The following GMCL2 variants were observed in gnomAD, a reference collection of about 807,000 sequenced individuals.
The protein encoded by GMCL2 is germ cell-less protein-like 2.
GMCL2 carries 33 observed loss-of-function variants against 36.2 expected under a neutral mutation model. The observed-to-expected ratio is 0.91, with a 90% confidence interval of 0.69 to 1.22. GMCL2 has a LOEUF of 1.22. Among genes scored for constraint, GMCL2 ranks in the 50% most tolerant of loss-of-function variants. The pLI, the probability that GMCL2 is intolerant of heterozygous loss-of-function variation, is 0.00. For synonymous variants in GMCL2, 172 were observed against 184.3 expected (o/e 0.93, Z 0.54); for missense variants, 478 against 514.5 (o/e 0.93, Z 0.69).
rs1369335232 is a variant in GMCL2, at chr5:178,186,505, G to A, written c.795C>T (p.Asn265=). ...CCATCTCCACTTGCATCACAAATAA[G>A]TTAGAGGAACCAATGAGCTGTTTCA... The part of the protein sequence containing the change: ...NVMKQLIGSS[N]LFVMQVEMDV... The change falls in exon 1 of 1, where the codon AAC becomes AAT. Residue 265 remains asparagine (N), a synonymous_variant. Transcript: ENST00000463439. 2.9e-6 allele frequency: 4 copies of A among 1,385,168 alleles called. No homozygotes were observed. The highest frequency in any genetic ancestry group is 4.1e-6 in the Non-Finnish European group (4 of 971,250). The allele number at this position is 1,385,168 out of a possible 1,614,324, so 85.8% of individuals were successfully genotyped here.
At position 178,185,644 on chromosome 5, in the gene GMCL2, A is replaced by C. The variant is rs1271315604; in HGVS notation, c.*75T>G. 1 of 571,928 alleles carries C rather than the reference A, an allele frequency of 1.7e-6. No homozygotes were observed. Among genetic ancestry groups the C allele is most frequent in the Non-Finnish European group, 3.2e-6 (1 of 311,376 alleles). The allele number at this position is 571,928 out of a possible 1,614,324, so 35.4% of individuals were successfully genotyped here. ...GTCATTGTTAGTCAACTTAGATGTG[A>C]ATATCAGTAGGGCCATTAAATTAAA... is the stretch of plus-strand genomic sequence containing the variant. On this transcript the variant is annotated 3_prime_UTR_variant, in exon 1 of 1. Transcript: ENST00000463439.
Position 178,185,879 on chromosome 5 carries a change from C to T in GMCL2, c.1421G>A (p.Gly474Asp), listed in dbSNP as rs759717911. ...SGKLVCSRTTGYQILILKKDQ... is the reference protein window; with the variant it reads ...SGKLVCSRTTDYQILILKKDQ... ...CTTTTTAAGTATAAGTATTTGATAG[C>T]CAGTTGTTCTACTACATACTAGTTT... The change falls in exon 1 of 1, where the codon GGC becomes GAC. Residue 474 changes from glycine (G) to aspartate (D), a missense_variant. Coordinates refer to ENST00000463439, the MANE Select transcript of GMCL2 (RefSeq NM_001358008.2). The T allele has an allele frequency of 1.2e-6, 1 of 817,096 alleles. No homozygotes were observed. The highest frequency in any genetic ancestry group is 1.3e-5 in the South Asian group (1 of 75,530). The allele number at this position is 817,096 out of a possible 1,614,324, so 50.6% of individuals were successfully genotyped here.
rs201393558 is a variant in GMCL2, at chr5:178,187,096, C to A, written c.204G>T (p.Arg68Ser). The A allele has an allele frequency of 5.0e-5, 52 of 1,048,696 alleles. No homozygotes were observed. The East Asian group carries it at 9.8e-4, about 20-fold the overall frequency. The allele number at this position is 1,048,696 out of a possible 1,614,324, so 65.0% of individuals were successfully genotyped here. The change falls in exon 1 of 1, where the codon AGG becomes AGT. Residue 68 changes from arginine to serine, a missense_variant. By Grantham distance (110) the Arg-to-Ser change is moderately radical. Transcript: ENST00000463439. ...TGTCCCCCTCCTCCTCATGCTCCTC[C>A]CTGTGCGAGTCCGGGTCACAGTAGC... ...ACRYCDPDSH[R>S]EEHEEEGDKQ...
chr5:178,186,013 GA>G, the GMCL2 span: 4 of 768,668 alleles, frequency 5.2e-6, no homozygotes, highest in Non-Finnish European at 9.7e-6. Context: ...GTTTGAAAAT[GA>G]TGTATCCATT....
At position 178,185,560 on chromosome 5, in the gene GMCL2, G is replaced by A. The variant is rs1756681048; in HGVS notation, c.*159C>T. On this transcript the variant is annotated 3_prime_UTR_variant, in exon 1 of 1. Transcript: ENST00000463439. ...AAATGATTTTTTTTGTATATGCATA[G>A]AAATGCAATGAGGATAAGAATAGTC... 2.0e-5 allele frequency among the ~76,000 whole-genome samples: 3 copies of A among 152,190 alleles called. No homozygotes were observed. Among genetic ancestry groups the A allele is most frequent in the Non-Finnish European group, 4.4e-5 (3 of 68,036 alleles).
At position 178,187,000 on chromosome 5, in the gene GMCL2, T is replaced by C. The variant is rs3812083; in HGVS notation, c.300A>G (p.Thr100=). 266,678 of 1,429,090 alleles carry C rather than the reference T, an allele frequency of 0.19. 26,098 individuals carry two copies. The highest frequency in any genetic ancestry group is 0.3 in the East Asian group (13,125 of 43,888). The allele number at this position is 1,429,090 out of a possible 1,614,324, so 88.5% of individuals were successfully genotyped here. The change falls in exon 1 of 1, where the codon ACA becomes ACG. Residue 100 remains threonine, a synonymous_variant. Coordinates refer to ENST00000463439, the MANE Select transcript of GMCL2 (RefSeq NM_001358008.2). ...LRSTSKYIYQ[T]LFLNGENSDI... ...CACTGTTTTCACCATTCAAAAATAA[T>C]GTTTGATAAATATATTTGGATGTAC...
rs756178354 is a variant in GMCL2 at position 178,186,515 on chromosome 5, C to T, written c.785G>A (p.Gly262Asp). 11 of 1,333,916 alleles carry T rather than the reference C, an allele frequency of 8.2e-6. No homozygotes were observed. The Admixed American group carries it at 1.2e-4, about 14-fold the overall frequency. The allele number at this position is 1,333,916 out of a possible 1,614,324, so 82.6% of individuals were successfully genotyped here. A position where few individuals can be genotyped will look rare whatever the true frequency, so the allele number is the denominator to read the frequency against. The change falls in exon 1 of 1, where the codon GGT becomes GAT. Residue 262 changes from glycine (G) to aspartate (D), a missense_variant. Gly to Asp is a moderately conservative substitution (Grantham distance 94, BLOSUM62 -1). This residue lies in a region of GMCL2 where 175 missense variants were observed against 208.0 expected (regional missense o/e 0.84). Transcript: ENST00000463439. ...TTGCATCACAAATAAGTTAGAGGAA[C>T]CAATGAGCTGTTTCATGACATTTAT... Reference protein sequence around the residue: ...LGINVMKQLIGSSNLFVMQVE... With the variant: ...LGINVMKQLIDSSNLFVMQVE...
chr5:178,184,654 C>T lies in GMCL2; in HGVS notation c.*1065G>A, dbSNP rs1469019547. On this transcript the variant is annotated 3_prime_UTR_variant, in exon 1 of 1. Transcript: ENST00000463439. The stretch of plus-strand genomic sequence containing the variant: ...GCTCTATTCAAAACAGCAGTAAACA[C>T]AAAAGGTCAACATATATAAATCATG... Among the ~76,000 whole-genome samples the T allele has an allele frequency of 6.6e-6, 1 of 152,128 alleles. No homozygotes were observed. The highest frequency in any genetic ancestry group is 2.4e-5 in the African/African-American group (1 of 41,450).
In GMCL2 at chr5:178,187,060, C is replaced by T. The variant is rs1437674294; in HGVS notation, c.240G>A (p.Pro80=). The T allele has an allele frequency of 1.2e-5, 13 of 1,099,756 alleles. No homozygotes were observed. Among genetic ancestry groups the T allele is most frequent in the Non-Finnish European group, 1.6e-5 (12 of 733,006 alleles). The allele number at this position is 1,099,756 out of a possible 1,614,324, so 68.1% of individuals were successfully genotyped here. A position where few individuals can be genotyped will look rare whatever the true frequency, so the allele number is the denominator to read the frequency against. The change falls in exon 1 of 1, where the codon CCG becomes CCA. Residue 80 remains proline, a synonymous_variant. Transcript: ENST00000463439. ...TTTTCCTTGCAGGGGTGTTGAGGAG[C>T]GGCTGCTGCTTGTCCCCCTCCTCCT... is the stretch of plus-strand genomic sequence containing the variant. The part of the protein sequence containing the change: ...EHEEEGDKQQ[P]LLNTPARKKL...
chr5:178,187,078 C>T lies in GMCL2; in HGVS notation c.222G>A (p.Glu74=), dbSNP rs753841653. 2 of 1,050,776 alleles carry T rather than the reference C, an allele frequency of 1.9e-6. No homozygotes were observed. Among genetic ancestry groups the T allele is most frequent in the East Asian group, 2.6e-5 (1 of 38,782 alleles). The allele number at this position is 1,050,776 out of a possible 1,614,324, so 65.1% of individuals were successfully genotyped here. ...TGAGGAGCGGCTGCTGCTTGTCCCC[C>T]TCCTCCTCATGCTCCTCCCTGTGCG... ...PDSHREEHEE[E]GDKQQPLLNT... is the part of the protein sequence containing the mutation. Residue 74 remains glutamate (E), a synonymous_variant, in exon 1 of 1, where the codon GAG becomes GAA. Coordinates refer to ENST00000463439, the MANE Select transcript of GMCL2 (RefSeq NM_001358008.2).
At position 178,185,009 on chromosome 5, in the gene GMCL2, C is replaced by T; in HGVS notation, c.*710G>A. ...AAGACCATGTAAGACAAGAAATATC[C>T]CTGGAATCAAACTGATTTTTCACGC... On this transcript the variant is annotated 3_prime_UTR_variant, in exon 1 of 1. Transcript: ENST00000463439. Among the ~76,000 whole-genome samples the T allele has an allele frequency of 6.6e-6, 1 of 151,972 alleles. No homozygotes were observed. The highest frequency in any genetic ancestry group is 1.9e-4 in the East Asian group (1 of 5,180).
rs1287817470 is a variant in GMCL2 at position 178,187,205 on chromosome 5, G to A, written c.95C>T (p.Pro32Leu). The change falls in exon 1 of 1, where the codon CCG (proline) becomes CTG (leucine). Residue 32 changes from proline to leucine, a missense_variant. Physicochemically the swap from Pro to Leu is moderately conservative, Grantham distance 98. Transcript: ENST00000463439. Reference protein sequence around the residue: ...GARARGSARRPDTGDDAASYG... With the variant: ...GARARGSARRLDTGDDAASYG... Reference sequence around the variant, plus strand: ...GCTCGCCGCATCGTCTCCAGTGTCCGGCCTCCGGGCCGAGCCCCTGGCCCT... The same window carrying A: ...GCTCGCCGCATCGTCTCCAGTGTCCAGCCTCCGGGCCGAGCCCCTGGCCCT... The A allele has an allele frequency of 8.4e-6, 10 of 1,194,800 alleles. No individual in the cohort carries two copies. Among genetic ancestry groups the A allele is most frequent in the Admixed American group, 2.0e-5 (1 of 50,256 alleles). The allele number at this position is 1,194,800 out of a possible 1,614,324, so 74.0% of individuals were successfully genotyped here.
rs1756670114 is a variant in GMCL2 at position 178,184,715 on chromosome 5, CCATTTTT to C, written c.*997_*1003del. ...ATCTTATTTTTGACAAAAATAAGTT[CCATTTTT>C]ACATTAATGCGTCATCAGCTTCTAT... On this transcript the variant is annotated 3_prime_UTR_variant, in exon 1 of 1. Transcript: ENST00000463439. 6.6e-6 allele frequency among the ~76,000 whole-genome samples: 1 copy of C among 152,070 alleles called. No homozygotes were observed. Among genetic ancestry groups the C allele is most frequent in the Non-Finnish European group, 1.5e-5 (1 of 68,008 alleles).
rs1354386151 is a variant in GMCL2 at position 178,186,078 on chromosome 5, A to C, written c.1222T>G (p.Tyr408Asp). 3 of 781,408 alleles carry C rather than the reference A, an allele frequency of 3.8e-6. No homozygotes were observed. Among genetic ancestry groups the C allele is most frequent in the Non-Finnish European group, 7.1e-6 (3 of 421,676 alleles). 48.4% of individuals were successfully genotyped at this position (781,408 alleles called of 1,614,324 possible). A position where few individuals can be genotyped will look rare whatever the true frequency, so the allele number is the denominator to read the frequency against. The change falls in exon 1 of 1, where the codon TAC becomes GAC. Residue 408 changes from tyrosine (Y) to aspartate (D), a missense_variant. Transcript: ENST00000463439. ...GRKLAKDGEY[Y>D]WCWTGFNFGF... The stretch of plus-strand genomic sequence containing the variant: ...AAGTTAAAACCCGTCCAACACCAGT[A>C]GTATTCACCATCTTTGGCAAGCTTT...
chr5:178,187,328 GC>G lies in GMCL2; in HGVS notation c.-30del. On this transcript the variant is annotated 5_prime_UTR_variant, in exon 1 of 1. An upstream open reading frame in the 5' UTR loses its in-frame stop. Transcript: ENST00000463439. ...TCACGGCTCCCCAGGACTTCAGGGA[GC>G]CCAGAGGAGGGGGTCTCTGGCCATG... is the stretch of plus-strand genomic sequence containing the variant. 1 of 788,024 alleles carries G rather than the reference GC, an allele frequency of 1.3e-6. No homozygotes were observed. The highest frequency in any genetic ancestry group is 2.0e-6 in the Non-Finnish European group (1 of 504,156). The allele number at this position is 788,024 out of a possible 1,614,324, so 48.8% of individuals were successfully genotyped here.
rs758255152 is a variant in GMCL2, at chr5:178,186,647, G to A, written c.653C>T (p.Thr218Ile). ...ATCTAATCCATAGATCTCTACTGAT[G>A]TGTAATAACCGCATACAGTTTTCAC... The part of the protein sequence containing the change: ...INVKTVCGYY[T>I]SVEIYGLDSV... Residue 218 changes from threonine to isoleucine, a missense_variant, in exon 1 of 1, where the codon ACA becomes ATA. By Grantham distance (89) the Thr-to-Ile change is moderately conservative. Transcript: ENST00000463439. The A allele has an allele frequency of 8.7e-7, 1 of 1,148,724 alleles. No homozygotes were observed. 71.2% of individuals were successfully genotyped at this position (1,148,724 alleles called of 1,614,324 possible).
In GMCL2 at chr5:178,186,734, C is replaced by T. The variant is rs1392343036; in HGVS notation, c.566G>A (p.Cys189Tyr). 4 of 1,585,734 alleles carry T rather than the reference C, an allele frequency of 2.5e-6. No individual in the cohort carries two copies. The highest frequency in any genetic ancestry group is 1.3e-5 in the African/African-American group (1 of 74,366). ...TATTAAACCATCCAGCTGCAGCATA[C>T]AAGCTGCTGCCAAAATGGCAACAAC... is the stretch of plus-strand genomic sequence containing the variant. ...SRVVAILAAA[C>Y]MLQLDGLIQQ... is the part of the protein sequence containing the mutation. The change falls in exon 1 of 1, where the codon TGT (cysteine) becomes TAT (tyrosine). Residue 189 changes from cysteine (C) to tyrosine (Y), a missense_variant. By Grantham distance (194) the Cys-to-Tyr change is radical (BLOSUM62 -2). This residue lies in a region of GMCL2 where 175 missense variants were observed against 208.0 expected (regional missense o/e 0.84). Coordinates refer to ENST00000463439, the MANE Select transcript of GMCL2 (RefSeq NM_001358008.2).
chr5:178,184,659 G>T lies in GMCL2; in HGVS notation c.*1060C>A, dbSNP rs1374238371. 6.6e-6 allele frequency among the ~76,000 whole-genome samples: 1 copy of T among 152,020 alleles called. No homozygotes were observed. Among genetic ancestry groups the T allele is most frequent in the Non-Finnish European group, 1.5e-5 (1 of 67,986 alleles). ...ATTCAAAACAGCAGTAAACACAAAA[G>T]GTCAACATATATAAATCATGACAAG... On this transcript the variant is annotated 3_prime_UTR_variant, in exon 1 of 1. Transcript: ENST00000463439.
At position 178,185,930 on chromosome 5, in the gene GMCL2, C is replaced by A. The variant is rs746743226; in HGVS notation, c.1370G>T (p.Arg457Leu). The change falls in exon 1 of 1, where the codon CGC (arginine) becomes CTC (leucine). Residue 457 changes from arginine (R) to leucine (L), a missense_variant. This residue lies in a region of GMCL2 where 135 missense variants were observed against 119.0 expected (regional missense o/e 1.13). Transcript: ENST00000463439. Reference sequence around the variant, plus strand: ...TCCACTACTATCAAAAGAAGCCAAGCGTAATCTAAATGCTATGCTCCTTCG... The same window carrying A: ...TCCACTACTATCAAAAGAAGCCAAGAGTAATCTAAATGCTATGCTCCTTCG... ...RPRRSIAFRL[R>L]LASFDSSGKL... 5.2e-6 allele frequency: 4 copies of A among 770,118 alleles called. No homozygotes were observed. The highest frequency in any genetic ancestry group is 9.6e-6 in the Non-Finnish European group (4 of 414,556). 47.7% of individuals were successfully genotyped at this position (770,118 alleles called of 1,614,324 possible). A position where few individuals can be genotyped will look rare whatever the true frequency, so the allele number is the denominator to read the frequency against.
Sources: gnomAD v4.1 joint callset for allele counts (sites outside exome capture counted in the v4.1 genomes callset) on GRCh38, gnomAD v4.1.1 for gene constraint, gnomAD v4.1.1 regional missense constraint, MANE v1.5 for transcripts, NCBI Gene and HGNC (gene_info 2026-07-23, HGNC 2026-07-21) for gene names.